OCLN: variants seen among roughly 807,000 people sequenced by gnomAD.
OCLN encodes the protein phosphatase 1, regulatory subunit 115.
A neutral mutation model predicts 47.9 loss-of-function variants in OCLN; 21 were observed. That is an observed-to-expected ratio of 0.44 (90% CI 0.31 to 0.63). The LOEUF (loss-of-function observed/expected upper bound fraction) is 0.63. Ranked by LOEUF, OCLN falls within the 30% of genes least tolerant of loss-of-function variation. OCLN has a pLI of 0.08. For synonymous variants in OCLN, 117 were observed against 198.4 expected (o/e 0.59, Z 3.45); for missense variants, 360 against 571.0 (o/e 0.63, Z 3.77).
At position 69,509,176 on chromosome 5, in the gene OCLN, A is replaced by G. The variant is rs1768694187; in HGVS notation, c.86A>G (p.Tyr29Cys). 6.2e-7 allele frequency: 1 copy of G among 1,614,114 alleles called. No homozygotes were observed. Among genetic ancestry groups the G allele is most frequent in the Admixed American group, 1.7e-5 (1 of 60,032 alleles). Residue 29 changes from tyrosine (Y) to cysteine (C), a missense_variant, in exon 3 of 9, where the codon TAT becomes TGT. Transcript: ENST00000396442. ...CATTATGCACCAAGCAATGACATAT[A>G]TGGTGGAGAGATGCATGTTCGACCA... ...PNHYAPSNDI[Y>C]GGEMHVRPML...
At chr5:69,498,871 G>A (rs1768377958) in intron 1 of OCLN, among the ~76,000 whole-genome samples, 1 of 151,944 alleles carries the variant, frequency 6.6e-6, no homozygotes, top group South Asian at 2.1e-4. Flanking sequence ...TAGAGACAGG[G>A]TTTCACCATG....
At chr5:69,522,899 T>TTTTTTTTTTTTTC (rs1769180370) in intron 4 of OCLN, among the ~76,000 whole-genome samples, 1 of 146,684 alleles carries the variant, frequency 6.8e-6, no homozygotes, top group Non-Finnish European at 1.5e-5. Flanking sequence ...GCTGACTTTT[T>TTTTTTTTTTTTTC]TTTTTTTAAA....
intron 4 of OCLN, among the ~76,000 whole-genome samples, chr5:69,518,690 T>C (rs529606276): frequency 6.6e-6 from 1 of 152,190 alleles, no homozygotes; most frequent in African/African-American, 2.4e-5. Context: ...ATTAGGGAGT[T>C]TTCTTCCTTT....
At chr5:69,524,772 C>T (rs544766472) in intron 4 of OCLN, among the ~76,000 whole-genome samples, 2 of 152,286 alleles carry the variant, frequency 1.3e-5, no homozygotes, top group South Asian at 4.1e-4. Context: ...CTGTAACCTC[C>T]GCCTCCCGGG....
intron 5 of OCLN, among the ~76,000 whole-genome samples, chr5:69,536,600 G>A (rs988501443): frequency 2.0e-4 from 29 of 145,852 alleles, no homozygotes; most frequent in Non-Finnish European, 3.0e-4. Context: ...GAACCTGGGA[G>A]GCGGCGGTTA....
intron 4 of OCLN, among the ~76,000 whole-genome samples, chr5:69,527,401 C>T (rs1769311675): frequency 6.6e-6 from 1 of 152,208 alleles, no homozygotes; most frequent in Non-Finnish European, 1.5e-5. Flanking sequence ...AGTTTCTTGT[C>T]CAGTCAAAGC....
intron 3 of OCLN, among the ~76,000 whole-genome samples, chr5:69,512,228 G>A (rs1392981929): frequency 6.6e-6 from 1 of 152,060 alleles, no homozygotes; most frequent in Non-Finnish European, 1.5e-5. Flanking sequence ...TTCATGTTGT[G>A]TTAATTTTGG....
intron 7 of OCLN, among the ~76,000 whole-genome samples, chr5:69,549,881 C>T (rs1769815894): frequency 6.6e-6 from 1 of 150,744 alleles, no homozygotes; most frequent in Non-Finnish European, 1.5e-5. Flanking sequence ...CTTCCCGTGT[C>T]CCTTTGACAT....
chr5:69,525,047 T>C (rs916252698), intron 4 of OCLN, among the ~76,000 whole-genome samples: 1 of 152,138 alleles, frequency 6.6e-6, no homozygotes, highest in African/African-American at 2.4e-5. Flanking sequence ...CTCTTGGCTA[T>C]GTACCTAAGA....
In OCLN at chr5:69,516,358, G is replaced by A. The variant is rs548072448; in HGVS notation, c.891+2249G>A. 4.1e-4 allele frequency among the ~76,000 whole-genome samples: 63 copies of A among 152,324 alleles called. 1 individual carries two copies. Among genetic ancestry groups the A allele is most frequent in the Admixed American group, 6.5e-4 (10 of 15,296 alleles). ...AAAAAAATAAGAAAACCAGTCAGGCGTGGTGGCGCGCGCCTGCAATCGCAG... is the reference window on the plus strand; with the variant it reads ...AAAAAAATAAGAAAACCAGTCAGGCATGGTGGCGCGCGCCTGCAATCGCAG... On this transcript the variant is annotated intron_variant, in intron 4 of 8. Coordinates refer to ENST00000396442, the MANE Select transcript of OCLN (RefSeq NM_001205254.2).
At chr5:69,526,048 G>A (rs1769270074) in intron 4 of OCLN, among the ~76,000 whole-genome samples, 1 of 152,148 alleles carries the variant, frequency 6.6e-6, no homozygotes, top group South Asian at 2.1e-4. Flanking sequence ...TCTTTACGAG[G>A]TACAGTGGTC....
chr5:69,515,818 G>A (rs542293476), intron 4 of OCLN, among the ~76,000 whole-genome samples: 9 of 151,292 alleles, frequency 5.9e-5, no homozygotes, highest in Non-Finnish European at 1.2e-4. Flanking sequence ...CCTCCCAGAC[G>A]GGGTCGCGGC....
At chr5:69,547,072 CAT>C (rs1769730290) in intron 6 of OCLN, among the ~76,000 whole-genome samples, 1 of 149,700 alleles carries the variant, frequency 6.7e-6, no homozygotes, top group African/African-American at 2.4e-5. Flanking sequence ...ACAGTGAGCA[CAT>C]GTTTTTATAC....
At chr5:69,549,340 CAAAAA>C (rs1172698181) in intron 7 of OCLN, among the ~76,000 whole-genome samples, 2 of 51,532 alleles carry the variant, frequency 3.9e-5, no homozygotes, top group Middle Eastern at 0.021. Context: ...GACTCCATCT[CAAAAA>C]AAAAAAAAAA....
intron 4 of OCLN, among the ~76,000 whole-genome samples, chr5:69,531,005 C>T (rs1053950629): frequency 2.0e-5 from 3 of 152,220 alleles, no homozygotes; most frequent in African/African-American, 4.8e-5. Context: ...CTTGCATTTT[C>T]TACATCTAGG....
chr5:69,503,374 C>T (rs1768512475), intron 1 of OCLN, among the ~76,000 whole-genome samples: 1 of 152,164 alleles, frequency 6.6e-6, no homozygotes, highest in Non-Finnish European at 1.5e-5. Flanking sequence ...TTTTCTTACT[C>T]ATCCTCCATC....
chr5:69,549,283 GTGAGCCAAGATCGCGCCACTGCA>G (rs1769792855), intron 7 of OCLN, among the ~76,000 whole-genome samples: 1 of 111,490 alleles, frequency 9.0e-6, no homozygotes, highest in African/African-American at 3.5e-5. Context: ...GGAGCTTGCA[GTGAGCCAAGATCGCGCCACTGCA>G]CTCCAGCCTG....
chr5:69,520,279 A>G (rs1769096286), intron 4 of OCLN, among the ~76,000 whole-genome samples: 1 of 140,650 alleles, frequency 7.1e-6, no homozygotes, highest in African/African-American at 2.7e-5. Context: ...AAATTATGTC[A>G]ACTTAAGTTA....
At chr5:69,519,247 TACTG>T (rs1485724448) in intron 4 of OCLN, among the ~76,000 whole-genome samples, 1 of 152,232 alleles carries the variant, frequency 6.6e-6, no homozygotes, top group East Asian at 1.9e-4. Flanking sequence ...TACTAAATCT[TACTG>T]ACTTCCTTCT....
Sources: allele counts gnomAD v4.1 joint callset (sites outside exome capture counted in the v4.1 genomes callset), GRCh38; gene constraint gnomAD v4.1.1; transcripts MANE v1.5; gene names NCBI Gene and HGNC (gene_info 2026-07-23, HGNC 2026-07-21).